The following MCFD2 variants were observed in gnomAD, a reference collection of about 807,000 sequenced individuals.
MCFD2 encodes the protein multiple coagulation factor deficiency protein 2.
In MCFD2, 11 loss-of-function variants were observed where a neutral mutation model predicts 12.8. That is an observed-to-expected ratio of 0.86 (90% CI 0.54 to 1.42). The LOEUF (loss-of-function observed/expected upper bound fraction) is 1.42, where lower values mean the gene tolerates loss of function less well. Among genes scored for constraint, MCFD2 ranks in the 40% most tolerant of loss-of-function variants. The probability of loss-of-function intolerance (pLI) is 0.00; values close to 1 mark genes in which losing one functional copy is unlikely to be tolerated. For synonymous variants in MCFD2, 70 were observed against 68.1 expected, an observed-to-expected ratio of 1.03 and a Z score of -0.14; for missense variants, 191 against 178.6, an observed-to-expected ratio of 1.07 and a Z score of -0.40.
rs906523542 is a variant in MCFD2 at position 46,941,695 on chromosome 2, C to G, written c.-131G>C. On this transcript the variant is annotated 5_prime_UTR_variant, in exon 1 of 3. Coordinates refer to the MCFD2 transcript ENST00000409147. The surrounding 1 kb of genome is among the most constrained non-coding windows in gnomAD (Gnocchi z 4.2). Reference sequence around the variant, plus strand: ...CGGCGGAGGTAACAGGCGAGGCAGCCCGAGCGCAGCGTTCACCTTTCCGGA... The same window carrying G: ...CGGCGGAGGTAACAGGCGAGGCAGCGCGAGCGCAGCGTTCACCTTTCCGGA... 2.6e-5 allele frequency: 40 copies of G among 1,550,728 alleles called. No individual in the cohort carries two copies. The highest frequency in any genetic ancestry group is 3.3e-5 in the Non-Finnish European group (38 of 1,147,468).
upstream of MCFD2, chr2:46,916,517 C>CGAATTCATCCCTGTATA (rs1668797929): frequency 6.6e-6 from 1 of 152,426 alleles, no homozygotes; most frequent in Non-Finnish European, 1.5e-5. Flanking sequence ...ATCCCTGTAT[C>CGAATTCATCCCTGTATA]GAATTCATCC....
rs1000053501 is a variant in MCFD2 at position 46,940,820 on chromosome 2, G to A, written c.-8+752C>T. The stretch of plus-strand genomic sequence containing the variant: ...GGCGGACAGCGGCAGGCCAGCTCCC[G>A]GGAGGCTCGCCGTCGGGGTTGGGGC... On this transcript the variant is annotated intron_variant, in intron 1 of 2. Coordinates refer to the MCFD2 transcript ENST00000409147. This position sits in a 1 kb window ranked among gnomAD's most constrained non-coding sequence, Gnocchi z 4.7. Among the ~76,000 whole-genome samples, 45 of 152,114 alleles carry A rather than the reference G, an allele frequency of 3.0e-4. No homozygotes were observed. Among genetic ancestry groups the A allele is most frequent in the African/African-American group, 1.0e-3 (42 of 41,446 alleles).
At chr2:46,928,151 C>G (rs1227577872) in intron 1 of MCFD2, among the ~76,000 whole-genome samples, 1 of 151,850 alleles carries the variant, frequency 6.6e-6, no homozygotes, top group African/African-American at 2.4e-5. Context: ...CTTAACCTCC[C>G]AAAGTGCCGG....
Position 46,908,531 on chromosome 2 carries a change from T to A in MCFD2, c.149+492A>T, listed in dbSNP as rs1668342903. On this transcript the variant is annotated intron_variant, in intron 2 of 3. Transcript: ENST00000319466. The surrounding 1 kb of genome is among the most constrained non-coding windows in gnomAD (Gnocchi z 4.5). ...CACCTGCCTCAGCCTCCCAAAGCAC[T>A]GGGATTACAGGTGTGAGCCACTGCA... 1 of 262,730 alleles carries A rather than the reference T, an allele frequency of 3.8e-6. No homozygotes were observed. The highest frequency in any genetic ancestry group is 4.2e-5 in the South Asian group (1 of 23,780). 16.3% of individuals were successfully genotyped at this position (262,730 alleles called of 1,614,324 possible).
At chr2:46,914,995 G>A (rs982993729) in intron 1 of MCFD2, among the ~76,000 whole-genome samples, 4 of 152,186 alleles carry the variant, frequency 2.6e-5, no homozygotes, top group African/African-American at 9.6e-5. Flanking sequence ...GGGTGATAAG[G>A]GAATGGGGGG....
At chr2:46,935,412 G>C (rs1315690621) in intron 1 of MCFD2, among the ~76,000 whole-genome samples, 1 of 151,940 alleles carries the variant, frequency 6.6e-6, no homozygotes. Flanking sequence ...CTGAGCTTAA[G>C]CAAAAAAAAT....
intron 1 of MCFD2, among the ~76,000 whole-genome samples, chr2:46,928,613 T>C (rs558007148): frequency 1.3e-5 from 2 of 150,904 alleles, no homozygotes; most frequent in African/African-American, 2.4e-5. Flanking sequence ...CTACGAAAAA[T>C]ATAAAAATTG....
At chr2:46,938,838 C>A (rs921553402) in intron 1 of MCFD2, among the ~76,000 whole-genome samples, 2 of 151,648 alleles carry the variant, frequency 1.3e-5, no homozygotes, top group Non-Finnish European at 2.9e-5. Flanking sequence ...ATAGTGAAAC[C>A]CGTCTCTACT....
In MCFD2 at chr2:46,941,631, G is replaced by A. The variant is rs1670389954; in HGVS notation, c.-67C>T. 6 of 1,554,850 alleles carry A rather than the reference G, an allele frequency of 3.9e-6. No homozygotes were observed. The highest frequency in any genetic ancestry group is 2.4e-5 in the East Asian group (1 of 41,396). ...CCGAGGGCCACTGGGACCGCATGCC[G>A]GAGCTGGTCCGGCAGCTGCAGACGC... On this transcript the variant is annotated 5_prime_UTR_variant, in exon 1 of 3. Coordinates refer to the MCFD2 transcript ENST00000409147. This position sits in a 1 kb window ranked among gnomAD's most constrained non-coding sequence, Gnocchi z 4.2.
chr2:46,925,505 C>G (rs957391793), intron 1 of MCFD2, among the ~76,000 whole-genome samples: 10 of 152,230 alleles, frequency 6.6e-5, no homozygotes, highest in Non-Finnish European at 1.3e-4. Context: ...TTGCAGTGAG[C>G]TGAGATTACA....
Position 46,904,203 on chromosome 2 carries a change from T to TGCAGGGGAGAGGCCCTCTCAGCG in MCFD2, c.*1237_*1259dup, listed in dbSNP as rs59011693. 1.3e-5 allele frequency: 2 copies of TGCAGGGGAGAGGCCCTCTCAGCG among 152,340 alleles called. No homozygotes were observed. The highest frequency in any genetic ancestry group is 4.1e-4 in the South Asian group (2 of 4,834). 9.4% of individuals were successfully genotyped at this position (152,340 alleles called of 1,614,324 possible). On this transcript the variant is annotated 3_prime_UTR_variant, in exon 4 of 4. Coordinates refer to ENST00000319466, the MANE Select transcript of MCFD2 (RefSeq NM_139279.6). Reference sequence around the variant, plus strand: ...CCTCAATGCCCAGGCAAACGTTTGCTGCAGGGGAGAGGCCCTCTCAGCGGC... The same window carrying TGCAGGGGAGAGGCCCTCTCAGCG: ...CCTCAATGCCCAGGCAAACGTTTGCTGCAGGGGAGAGGCCCTCTCAGCGGCAGGGGAGAGGCCCTCTCAGCGGC...
In MCFD2 at chr2:46,912,340, A is replaced by T. The variant is rs1002775680; in HGVS notation, c.-6-3163T>A. On this transcript the variant is annotated intron_variant, in intron 1 of 3. Coordinates refer to ENST00000319466, the MANE Select transcript of MCFD2 (RefSeq NM_139279.6). ...GGCAAGAGAGTGAGACTGTCTCAAA[A>T]AAATTTTTTAAACGTGTCCAGACCC... 4.6e-5 allele frequency among the ~76,000 whole-genome samples: 7 copies of T among 152,224 alleles called. No homozygotes were observed. The East Asian group carries it at 1.2e-3, about 25-fold the overall frequency.
chr2:46,931,914 C>T (rs1484877363), intron 1 of MCFD2, among the ~76,000 whole-genome samples: 1 of 152,114 alleles, frequency 6.6e-6, no homozygotes, highest in Non-Finnish European at 1.5e-5. Context: ...GAAATTAATA[C>T]AACTAAGTTG....
At chr2:46,922,897 C>A (rs1472869200) in intron 1 of MCFD2, among the ~76,000 whole-genome samples, 1 of 152,216 alleles carries the variant, frequency 6.6e-6, no homozygotes, top group Non-Finnish European at 1.5e-5. Flanking sequence ...CCTCTCTTTC[C>A]CACCAGTCGC....
At chr2:46,915,965 G>C (rs1668760224), upstream of MCFD2, 6 of 985,310 alleles carry the variant, frequency 6.1e-6, no homozygotes, top group Non-Finnish European at 6.0e-6. Context: ...TGGCGGGACT[G>C]ACGCAGTTCT....
intron 1 of MCFD2, among the ~76,000 whole-genome samples, chr2:46,912,068 G>A (rs995584521): frequency 2.6e-5 from 4 of 152,170 alleles, no homozygotes; most frequent in African/African-American, 9.7e-5. Context: ...AGGGACAGTG[G>A]CTCACATCTA....
chr2:46,917,088 C>T (rs994096754), upstream of MCFD2: 1 of 683,720 alleles, frequency 1.5e-6, no homozygotes, highest in Admixed American at 2.2e-5. Context: ...CATTGACGGT[C>T]TCATTCCTTT....
At position 46,930,990 on chromosome 2, in the gene MCFD2, A is replaced by T. The variant is rs75318949; in HGVS notation, c.-8+10582T>A. ...CCAATGAAGACAGTTCCAGATGAGA[A>T]AATTTAGCCGTATCTCATGGATACC... On this transcript the variant is annotated intron_variant, in intron 1 of 2. Coordinates refer to the MCFD2 transcript ENST00000409147. Among the ~76,000 whole-genome samples, 171 of 151,340 alleles carry T rather than the reference A, an allele frequency of 1.1e-3. 4 individuals are homozygous for T. The East Asian group carries it at 0.029, about 25-fold the overall frequency.
chr2:46,915,674 A>T, intron 1 of MCFD2, 49 bp downstream of exon 1: 2 of 735,522 alleles, frequency 2.7e-6, no homozygotes, highest in Non-Finnish European at 3.3e-6. Flanking sequence ...AGCCCACAGG[A>T]GAGGCGCCGG....
Sources: allele counts gnomAD v4.1 joint callset (sites outside exome capture counted in the v4.1 genomes callset), GRCh38; gene constraint gnomAD v4.1.1; non-coding constraint Gnocchi (gnomAD v3.1); transcripts MANE v1.5; gene names NCBI Gene and HGNC (gene_info 2026-07-23, HGNC 2026-07-21).